The following GPM6A variants were observed in gnomAD, a reference collection of about 807,000 sequenced individuals.
The protein encoded by GPM6A is glycoprotein M6A.
In GPM6A, 7 loss-of-function variants were observed where a neutral mutation model predicts 32.1. That is an observed-to-expected ratio of 0.22 (90% confidence interval 0.12 to 0.41). The LOEUF (loss-of-function observed/expected upper bound fraction) is 0.41. GPM6A is among the 10% of genes least tolerant of loss of function. The pLI is 1.00. For synonymous variants in GPM6A, 130 were observed against 123.4 expected, an observed-to-expected ratio of 1.05 and a Z score of -0.35; for missense variants, 235 against 347.2, an observed-to-expected ratio of 0.68 and a Z score of 2.57.
chr4:175,894,667 A>G (rs1414441906), intron 1 of GPM6A, among the ~76,000 whole-genome samples: 1 of 152,192 alleles, frequency 6.6e-6, no homozygotes, highest in Admixed American at 6.6e-5. Context: ...TAATGTTAGT[A>G]GTATATATTT....
chr4:175,994,849 G>C (rs961443438), intron 1 of GPM6A, among the ~76,000 whole-genome samples: 4 of 152,184 alleles, frequency 2.6e-5, no homozygotes, highest in Admixed American at 2.6e-4. Context: ...CAAAATTGGA[G>C]TAAATCCTAC....
intron 1 of GPM6A, among the ~76,000 whole-genome samples, chr4:175,921,153 A>T (rs1355440925): frequency 6.6e-6 from 1 of 152,186 alleles, no homozygotes; most frequent in Admixed American, 6.5e-5. Context: ...TAATTTTAAC[A>T]CTGAAATCTT....
At chr4:175,760,283 A>T (rs562281681) in intron 1 of GPM6A, among the ~76,000 whole-genome samples, 1 of 152,200 alleles carries the variant, frequency 6.6e-6, no homozygotes, top group Non-Finnish European at 1.5e-5. Flanking sequence ...TGAATTTTTG[A>T]CAGTTCCCAA....
intron 1 of GPM6A, among the ~76,000 whole-genome samples, chr4:175,928,390 T>G (rs1472744489): frequency 6.6e-6 from 1 of 152,344 alleles, no homozygotes; most frequent in East Asian, 1.9e-4. Flanking sequence ...CTGGGAAAAT[T>G]ATCTAGCTGT....
chr4:175,959,220 G>A (rs1343660669), intron 1 of GPM6A, among the ~76,000 whole-genome samples: 3 of 152,026 alleles, frequency 2.0e-5, no homozygotes, highest in Non-Finnish European at 1.5e-5. Flanking sequence ...ATGGGGCCAG[G>A]AACTCATGGG....
At chr4:175,855,841 A>T (rs1294978641) in intron 1 of GPM6A, among the ~76,000 whole-genome samples, 1 of 152,230 alleles carries the variant, frequency 6.6e-6, no homozygotes, top group Non-Finnish European at 1.5e-5. Context: ...ATAGGTTAAT[A>T]TACACATATA....
At chr4:175,701,848 A>C in intron 1 of GPM6A, 81 bp from the exon 2 acceptor site, 1 of 958,098 alleles carries the variant, frequency 1.0e-6, no homozygotes, top group Non-Finnish European at 1.6e-6. Context: ...GCACTATGGG[A>C]AAGTATATTT....
intron 1 of GPM6A, among the ~76,000 whole-genome samples, chr4:175,804,357 C>T (rs1189541170): frequency 3.9e-5 from 6 of 152,082 alleles, no homozygotes; most frequent in Admixed American, 3.9e-4. Context: ...TCCCTTCTGC[C>T]CACCTCATAA....
At chr4:175,812,618 G>A, upstream of GPM6A, 1 of 995,600 alleles carries the variant, frequency 1.0e-6, no homozygotes, top group Non-Finnish European at 1.2e-6. Context: ...ATTTAAAATG[G>A]GGAAAAGAAA....
chr4:175,817,059 C>T (rs529730517), upstream of GPM6A, among the ~76,000 whole-genome samples: 2 of 152,162 alleles, frequency 1.3e-5, no homozygotes, highest in African/African-American at 4.8e-5. Flanking sequence ...GGGGTTTCAC[C>T]GTGGTAGCCA....
intron 1 of GPM6A, among the ~76,000 whole-genome samples, chr4:175,880,389 T>C (rs931062086): frequency 6.6e-6 from 1 of 152,210 alleles, no homozygotes; most frequent in African/African-American, 2.4e-5. Flanking sequence ...TGGTTCCATA[T>C]GAACTTTAAA....
intron 1 of GPM6A, among the ~76,000 whole-genome samples, chr4:175,953,286 C>T (rs1739878371): frequency 6.6e-6 from 1 of 152,014 alleles, no homozygotes; most frequent in African/African-American, 2.4e-5. Context: ...GGAACCTCGG[C>T]TGTATCATGA....
intron 1 of GPM6A, among the ~76,000 whole-genome samples, chr4:175,959,377 A>G (rs1470878920): frequency 6.6e-6 from 1 of 152,060 alleles, no homozygotes; most frequent in African/African-American, 2.4e-5. Flanking sequence ...CATGCTTGCC[A>G]TCTAATAACC....
intron 1 of GPM6A, among the ~76,000 whole-genome samples, chr4:175,912,162 T>G (rs1032039032): frequency 1.3e-5 from 2 of 152,160 alleles, no homozygotes; most frequent in African/African-American, 4.8e-5. Flanking sequence ...TTGAGTTTAT[T>G]TTTTATTAAC....
At chr4:175,972,871 C>A (rs1025873853) in intron 1 of GPM6A, among the ~76,000 whole-genome samples, 1 of 152,114 alleles carries the variant, frequency 6.6e-6, no homozygotes, top group Non-Finnish European at 1.5e-5. Flanking sequence ...GCAGTTATAT[C>A]TATTATCTTT....
At chr4:175,840,819 C>T (rs902820961) in intron 1 of GPM6A, among the ~76,000 whole-genome samples, 2 of 152,088 alleles carry the variant, frequency 1.3e-5, no homozygotes, top group Non-Finnish European at 2.9e-5. Context: ...TTTTAATGCA[C>T]TTGAAGAATG....
intron 1 of GPM6A, among the ~76,000 whole-genome samples, chr4:175,750,099 C>T (rs769905746): frequency 9.2e-5 from 14 of 152,156 alleles, no homozygotes; most frequent in Non-Finnish European, 1.8e-4. Flanking sequence ...CACTTTGTTG[C>T]CTAGGCTGGA....
chr4:175,971,270 GAAAAAA>G (rs146658517), intron 1 of GPM6A, among the ~76,000 whole-genome samples: 1 of 132,016 alleles, frequency 7.6e-6, no homozygotes, highest in African/African-American at 2.8e-5. Flanking sequence ...TATCTTCCGT[GAAAAAA>G]AAAAAAAAAA....
At chr4:175,874,525 G>C (rs1737019327) in intron 1 of GPM6A, among the ~76,000 whole-genome samples, 1 of 152,120 alleles carries the variant, frequency 6.6e-6, no homozygotes, top group South Asian at 2.1e-4. Context: ...TGAGGGAGCA[G>C]AGCCAAAGGG....
Sources: gnomAD v4.1 joint callset for allele counts (sites outside exome capture counted in the v4.1 genomes callset) on GRCh38, gnomAD v4.1.1 for gene constraint, MANE v1.5 for transcripts, NCBI Gene and HGNC (gene_info 2026-07-23, HGNC 2026-07-21) for gene names.